The following GALNTL6 variants were observed in gnomAD, a reference collection of about 807,000 sequenced individuals.
GALNTL6 encodes polypeptide N-acetylgalactosaminyltransferase like 6.
A neutral mutation model predicts 73.7 loss-of-function variants in GALNTL6; 46 were observed. The ratio of observed to expected loss-of-function variants is 0.62; its 90% CI spans 0.49 to 0.80. The LOEUF (loss-of-function observed/expected upper bound fraction) is 0.80. Among genes scored for constraint, GALNTL6 ranks in the 30% least tolerant of loss-of-function variants. The pLI is 0.00. For synonymous variants in GALNTL6, 259 were observed against 263.7 expected (o/e 0.98, Z 0.17); for missense variants, 604 against 755.0 (o/e 0.80, Z 2.34).
intron 2 of GALNTL6, among the ~76,000 whole-genome samples, chr4:171,818,537 T>C (rs1168952005): frequency 1.3e-5 from 2 of 150,810 alleles, no homozygotes; most frequent in African/African-American, 2.4e-5. Context: ...TTCAGAATGA[T>C]TTTAGAAGCT....
intron 2 of GALNTL6, among the ~76,000 whole-genome samples, chr4:171,943,878 C>G (rs910183537): frequency 6.6e-6 from 1 of 150,954 alleles, no homozygotes; most frequent in African/African-American, 2.4e-5. Context: ...TTTGACAATG[C>G]TATAGTTAAG....
Position 171,824,077 on chromosome 4 carries a change from TTATATATATATA to T in GALNTL6, c.138+9381_138+9392del, listed in dbSNP as rs3080307. ...CTTAAGTCCTCAACACAAATCCATT[TTATATATATATA>T]TATATATATATATATATATATGTAA... On this transcript the variant is annotated intron_variant, in intron 2 of 12. Coordinates refer to ENST00000506823, the MANE Select transcript of GALNTL6 (RefSeq NM_001034845.3). 5.0e-3 allele frequency among the ~76,000 whole-genome samples: 645 copies of T among 129,190 alleles called. 3 individuals carry two copies. Among genetic ancestry groups the T allele is most frequent in the East Asian group, 0.034 (155 of 4,556 alleles). The allele number at this position is 129,190 out of a possible 152,430, so 84.8% of individuals were successfully genotyped here.
intron 2 of GALNTL6, among the ~76,000 whole-genome samples, chr4:171,919,087 TCAA>T (rs996903081): frequency 1.1e-4 from 16 of 152,140 alleles, no homozygotes; most frequent in Admixed American, 6.6e-5. Context: ...GTATCTATCG[TCAA>T]CAATAATATA....
At chr4:172,012,518 T>C (rs945212378) in intron 2 of GALNTL6, among the ~76,000 whole-genome samples, 6 of 152,114 alleles carry the variant, frequency 3.9e-5, no homozygotes, top group Admixed American at 3.9e-4. Flanking sequence ...TATTCTATAG[T>C]AAATAAATAC....
At chr4:172,657,427 A>G (rs556413677) in intron 5 of GALNTL6, among the ~76,000 whole-genome samples, 3 of 152,326 alleles carry the variant, frequency 2.0e-5, no homozygotes, top group East Asian at 3.9e-4. Context: ...ATAAGCCCAT[A>G]GCTGCTAGCT....
Position 172,161,608 on chromosome 4 carries a change from G to T in GALNTL6, c.139-68048G>T, listed in dbSNP as rs573547705. ...GTCAAGAAAAGTATATAATAGGAAG[G>T]TTAGATCCAAGATCTTAGAAGAGTC... On this transcript the variant is annotated intron_variant, in intron 2 of 12. Transcript: ENST00000506823. Among the ~76,000 whole-genome samples, 11 of 151,842 alleles carry T rather than the reference G, an allele frequency of 7.2e-5. No homozygotes were observed. In the East Asian group the frequency reaches 1.9e-3, roughly 27 times the overall value.
chr4:172,035,171 G>A (rs1434644580), intron 2 of GALNTL6, among the ~76,000 whole-genome samples: 1 of 152,010 alleles, frequency 6.6e-6, no homozygotes, highest in Admixed American at 6.6e-5. Flanking sequence ...AGTAAGTAAA[G>A]TAAAAAGGAC....
Position 172,439,833 on chromosome 4 carries a change from A to G in GALNTL6, c.553+91144A>G, listed in dbSNP as rs79816344. 3.5e-3 allele frequency among the ~76,000 whole-genome samples: 535 copies of G among 152,140 alleles called. 14 individuals are homozygous for G. The East Asian group carries it at 0.072, about 20-fold the overall frequency. On this transcript the variant is annotated intron_variant, in intron 5 of 12. Transcript: ENST00000506823. ...AATGGAAAGTTTAGAGATTTCCCGT[A>G]TACCCTTTGCCCAGTTGGTTTCCCC...
Position 171,979,675 on chromosome 4 carries a change from T to C in GALNTL6, c.138+164957T>C, listed in dbSNP as rs1293474751. On this transcript the variant is annotated intron_variant, in intron 2 of 12. Transcript: ENST00000506823. ...ATGGTGTCTCTGGAGTGGGAGACTA[T>C]AGCTAATTCCAGAAGAAGGAGGGGC... Among the ~76,000 whole-genome samples, 4 of 152,252 alleles carry C rather than the reference T, an allele frequency of 2.6e-5. No individual in the cohort carries two copies. The East Asian group carries it at 7.7e-4, about 29-fold the overall frequency.
chr4:171,995,083 A>T (rs1740447970), intron 2 of GALNTL6, among the ~76,000 whole-genome samples: 1 of 152,002 alleles, frequency 6.6e-6, no homozygotes, highest in South Asian at 2.1e-4. Flanking sequence ...AGAAAATTAT[A>T]ATTCCTATTT....
chr4:173,002,251 G>A (rs1752074828), intron 10 of GALNTL6, among the ~76,000 whole-genome samples: 1 of 151,786 alleles, frequency 6.6e-6, no homozygotes, highest in South Asian at 2.1e-4. Context: ...TTAGCCAGGT[G>A]TGGTGGTGCA....
chr4:171,889,512 A>G (rs1364900268), intron 2 of GALNTL6, among the ~76,000 whole-genome samples: 1 of 152,098 alleles, frequency 6.6e-6, no homozygotes, highest in Admixed American at 6.6e-5. Context: ...ATCTAGGCTG[A>G]GTCTATAAGA....
At chr4:172,472,995 TG>T (rs1306707324) in intron 5 of GALNTL6, among the ~76,000 whole-genome samples, 1 of 152,206 alleles carries the variant, frequency 6.6e-6, no homozygotes, top group Non-Finnish European at 1.5e-5. Flanking sequence ...ATTATTGATG[TG>T]GATGAATAAA....
intron 2 of GALNTL6, among the ~76,000 whole-genome samples, chr4:172,066,053 C>A (rs1731352493): frequency 6.6e-6 from 1 of 152,318 alleles, no homozygotes; most frequent in African/African-American, 2.4e-5. Context: ...ACATCCCCCA[C>A]AAGATACATT....
intron 8 of GALNTL6, among the ~76,000 whole-genome samples, chr4:172,902,794 C>T (rs563794009): frequency 7.4e-4 from 113 of 152,294 alleles, no homozygotes; most frequent in African/African-American, 2.6e-3. Context: ...CTTACCTCTA[C>T]AGTCATTCAG....
intron 2 of GALNTL6, among the ~76,000 whole-genome samples, chr4:171,871,255 G>C (rs962177100): frequency 1.4e-5 from 2 of 142,250 alleles, no homozygotes; most frequent in African/African-American, 5.6e-5. Context: ...CTAGAATAAA[G>C]TTCAATGTAT....
chr4:172,414,002 G>A (rs1744535552), intron 5 of GALNTL6, among the ~76,000 whole-genome samples: 1 of 152,090 alleles, frequency 6.6e-6, no homozygotes, highest in Non-Finnish European at 1.5e-5. Flanking sequence ...CTGAATCACA[G>A]GGAAGTTCGG....
chr4:172,605,674 G>T (rs944354303), intron 5 of GALNTL6, among the ~76,000 whole-genome samples: 2 of 152,222 alleles, frequency 1.3e-5, no homozygotes, highest in Admixed American at 1.3e-4. Flanking sequence ...AAAGTATGCG[G>T]TTTGGTATGG....
Position 172,590,567 on chromosome 4 carries a change from G to A in GALNTL6, c.554-218794G>A, listed in dbSNP as rs73869550. Among the ~76,000 whole-genome samples, 1,313 of 152,212 alleles carry A rather than the reference G, an allele frequency of 8.6e-3. 16 individuals carry two copies. The highest frequency in any genetic ancestry group is 0.027 in the African/African-American group (1,104 of 41,528). ...TCCCCCTCAATTTAACAAAGACAAA[G>A]CTTTAGATGAACTCGCTTCAGAATG... is the stretch of plus-strand genomic sequence containing the variant. On this transcript the variant is annotated intron_variant, in intron 5 of 12. Transcript: ENST00000506823.
Sources: gnomAD v4.1 joint callset for allele counts (sites outside exome capture counted in the v4.1 genomes callset) on GRCh38, gnomAD v4.1.1 for gene constraint, MANE v1.5 for transcripts, NCBI Gene and HGNC (gene_info 2026-07-23, HGNC 2026-07-21) for gene names.